The following DNAJC12 variants were observed in gnomAD, a reference collection of about 807,000 sequenced individuals.
The protein encoded by DNAJC12 is dnaJ homolog subfamily C member 12.
Under a neutral mutation model 28.5 loss-of-function variants are expected in DNAJC12, and 25 were observed. That is an observed-to-expected ratio of 0.88 (90% CI 0.64 to 1.22). DNAJC12 has a LOEUF of 1.22. DNAJC12 is among the 50% of genes most tolerant of loss of function. The pLI, the probability that DNAJC12 is intolerant of heterozygous loss-of-function variation, is 0.00. For synonymous variants in DNAJC12, 77 were observed against 80.6 expected, an observed-to-expected ratio of 0.95 and a Z score of 0.24; for missense variants, 222 against 231.7, an observed-to-expected ratio of 0.96 and a Z score of 0.27.
At chr10:67,810,459 T>C (rs1841848106) in intron 3 of DNAJC12, among the ~76,000 whole-genome samples, 1 of 152,214 alleles carries the variant, frequency 6.6e-6, no homozygotes, top group Admixed American at 6.5e-5. Flanking sequence ...TGATCCTGTG[T>C]GTGATGCTAC....
chr10:67,838,062 G>T lies in DNAJC12; in HGVS notation c.-51C>A. The T allele has an allele frequency of 8.0e-7, 1 of 1,249,568 alleles. No individual in the cohort carries two copies. The highest frequency in any genetic ancestry group is 1.2e-6 in the Non-Finnish European group (1 of 867,120). 77.4% of individuals were successfully genotyped at this position (1,249,568 alleles called of 1,614,324 possible). On this transcript the variant is annotated 5_prime_UTR_variant, in exon 1 of 5. Transcript: ENST00000225171. ...CCCTCGGAAACAAGAGGCACAGTGA[G>T]CTTCGAATTAACAGGAAGAAACTCT...
At position 67,838,027 on chromosome 10, in the gene DNAJC12, A is replaced by G. The variant is rs1842156126; in HGVS notation, c.-16T>C. On this transcript the variant is annotated 5_prime_UTR_variant, in exon 1 of 5. Coordinates refer to ENST00000225171, the MANE Select transcript of DNAJC12 (RefSeq NM_021800.3). ...TTGCATCCATTTAGATGACTTAATCAGTCCTTCTTCCCTCGGAAACAAGAG... is the reference window on the plus strand; with the variant it reads ...TTGCATCCATTTAGATGACTTAATCGGTCCTTCTTCCCTCGGAAACAAGAG... The G allele has an allele frequency of 6.4e-7, 1 of 1,572,856 alleles. No individual in the cohort carries two copies. The highest frequency in any genetic ancestry group is 1.4e-5 in the African/African-American group (1 of 73,792).
At chr10:67,805,442 C>A (rs1841790164) in intron 4 of DNAJC12, 141 bp downstream of exon 4, 3 of 884,232 alleles carry the variant, frequency 3.4e-6, no homozygotes, top group Non-Finnish European at 5.2e-6. Context: ...GGTGTCAATG[C>A]TAAGTGTCTT....
chr10:67,808,360 A>G lies in DNAJC12; in HGVS notation c.298-2573T>C, dbSNP rs553164985. 2.6e-5 allele frequency: 4 copies of G among 152,326 alleles called. No homozygotes were observed. In the East Asian group the frequency reaches 7.7e-4, roughly 29 times the overall value. The allele number at this position is 152,326 out of a possible 1,614,324, so 9.4% of individuals were successfully genotyped here. ...AGCAAGCCTAGGTGCAAAGGCCACT[A>G]ATCTTAACAGTCTGTGAAATTTCTA... On this transcript the variant is annotated intron_variant, in intron 3 of 4. Transcript: ENST00000225171.
chr10:67,809,649 A>T (rs532953926), intron 3 of DNAJC12, among the ~76,000 whole-genome samples: 1 of 152,306 alleles, frequency 6.6e-6, no homozygotes, highest in South Asian at 2.1e-4. Flanking sequence ...ATGGAATATT[A>T]CTCAGCCCTA....
chr10:67,823,459 C>T (rs1842000349), intron 1 of DNAJC12, 67 bp from the exon 2 acceptor site: 1 of 1,390,710 alleles, frequency 7.2e-7, no homozygotes, highest in African/African-American at 1.4e-5. Flanking sequence ...CCTATAATCT[C>T]AACACTTTGG....
chr10:67,798,345 C>T (rs1329794637), intron 4 of DNAJC12, among the ~76,000 whole-genome samples: 3 of 151,982 alleles, frequency 2.0e-5, no homozygotes, highest in African/African-American at 7.3e-5. Context: ...CATTCCTAAA[C>T]TCATTATTTA....
intron 1 of DNAJC12, among the ~76,000 whole-genome samples, chr10:67,835,719 C>CA (rs1842136249): frequency 2.7e-5 from 2 of 73,810 alleles, no homozygotes; most frequent in Non-Finnish European, 6.8e-5. Context: ...GAAAAAATGA[C>CA]ACACACACAC....
In DNAJC12 at chr10:67,805,643, C is replaced by A; in HGVS notation, c.442G>T (p.Glu148Ter). 1 of 1,613,484 alleles carries A rather than the reference C, an allele frequency of 6.2e-7. No homozygotes were observed. Among genetic ancestry groups the A allele is most frequent in the East Asian group, 2.2e-5 (1 of 44,836 alleles). The change falls in exon 4 of 5, where the codon GAG becomes TAG. Residue 148 changes from glutamate (E) to a stop codon, truncating the protein, a stop_gained. Transcript: ENST00000225171. LOFTEE classifies it high-confidence loss of function. ...EELASTAEKT[E>*]QKEPKPLEKS... ...TCTAGGGGCTTGGGTTCTTTCTGCT[C>A]CGTTTTCTCTGCGGTTGAAGCCAGC... is the stretch of plus-strand genomic sequence containing the variant.
At chr10:67,831,999 C>T (rs548382489) in intron 1 of DNAJC12, among the ~76,000 whole-genome samples, 3 of 152,224 alleles carry the variant, frequency 2.0e-5, no homozygotes, top group Admixed American at 6.5e-5. Flanking sequence ...GGCACAGTGG[C>T]TTACGCCTGT....
intron 4 of DNAJC12, among the ~76,000 whole-genome samples, chr10:67,798,446 G>A (rs1841702343): frequency 6.6e-6 from 1 of 152,014 alleles, no homozygotes; most frequent in Non-Finnish European, 1.5e-5. Flanking sequence ...TTGGGAGGCC[G>A]AGGCAGGTGC....
intron 4 of DNAJC12, among the ~76,000 whole-genome samples, chr10:67,798,682 AAAAC>A (rs1841705262): frequency 6.6e-6 from 1 of 152,190 alleles, no homozygotes; most frequent in Admixed American, 6.5e-5. Flanking sequence ...ACTCTCTCAA[AAAAC>A]AAACAGATAA....
At chr10:67,802,940 TCC>T (rs748580160) in intron 4 of DNAJC12, among the ~76,000 whole-genome samples, 6 of 143,846 alleles carry the variant, frequency 4.2e-5, no homozygotes, top group Non-Finnish European at 7.6e-5. Context: ...AGCCTCAACA[TCC>T]CCCCCCACAC....
intron 1 of DNAJC12, among the ~76,000 whole-genome samples, chr10:67,833,554 T>G (rs957176473): frequency 1.3e-5 from 2 of 152,204 alleles, no homozygotes; most frequent in African/African-American, 4.8e-5. Context: ...ATTCTAGTCC[T>G]GACTCTGTCT....
At chr10:67,805,139 C>T (rs1041492610) in intron 4 of DNAJC12, among the ~76,000 whole-genome samples, 41 of 152,174 alleles carry the variant, frequency 2.7e-4, no homozygotes, top group Admixed American at 6.5e-5. Flanking sequence ...ACCCCTTTCC[C>T]TTCCCATACA....
chr10:67,805,460 G>A (rs1841790373), intron 4 of DNAJC12, 123 bp downstream of exon 4: 1 of 1,059,780 alleles, frequency 9.4e-7, no homozygotes, highest in African/African-American at 1.6e-5. Context: ...CTTTTAAGAT[G>A]ATAAACCAAT....
chr10:67,835,942 G>T (rs552486576), intron 1 of DNAJC12, among the ~76,000 whole-genome samples: 3 of 152,038 alleles, frequency 2.0e-5, no homozygotes, highest in Admixed American at 2.0e-4. Context: ...TTTCTGTAAG[G>T]CTGTCCAAAA....
intron 1 of DNAJC12, 72 bp from the exon 2 acceptor site, chr10:67,823,464 C>A: frequency 7.7e-7 from 1 of 1,299,564 alleles, no homozygotes; most frequent in Non-Finnish European, 1.1e-6. Flanking sequence ...AATCTCAACA[C>A]TTTGGGAGGC....
At chr10:67,821,069 C>T (rs1280014799) in intron 2 of DNAJC12, among the ~76,000 whole-genome samples, 1 of 151,718 alleles carries the variant, frequency 6.6e-6, no homozygotes, top group Non-Finnish European at 1.5e-5. Context: ...AGGTGTGAGC[C>T]ACTGCACCCA....
Sources: gnomAD v4.1 joint callset for allele counts (sites outside exome capture counted in the v4.1 genomes callset) on GRCh38, gnomAD v4.1.1 for gene constraint, MANE v1.5 for transcripts, NCBI Gene and HGNC (gene_info 2026-07-23, HGNC 2026-07-21) for gene names.